HMCN1: variants seen among roughly 807,000 people sequenced by gnomAD.
The protein encoded by HMCN1 is hemicentin-1.
A neutral mutation model predicts 625.9 loss-of-function variants in HMCN1; 321 were observed. The observed-to-expected ratio is 0.51, with a 90% CI of 0.47 to 0.56. The LOEUF (loss-of-function observed/expected upper bound fraction) is 0.56, where lower values mean the gene tolerates loss of function less well. Among genes scored for constraint, HMCN1 ranks in the 20% least tolerant of loss-of-function variants. The pLI, the probability that HMCN1 is intolerant of heterozygous loss-of-function variation, is 0.00. For synonymous variants in HMCN1, 2,425 were observed against 2,417.6 expected (o/e 1.00, Z -0.09); for missense variants, 6,588 against 6,887.3 (o/e 0.96, Z 1.54).
chr1:185,860,582 C>A (rs1202446641), intron 2 of HMCN1, among the ~76,000 whole-genome samples: 1 of 152,074 alleles, frequency 6.6e-6, no homozygotes, highest in Non-Finnish European at 1.5e-5. Context: ...GTAGCTGGGA[C>A]AACAGGCATG....
rs558047673 is a variant in HMCN1 at position 186,139,600 on chromosome 1, T to G, written c.13924+1628T>G. 5.3e-5 allele frequency among the ~76,000 whole-genome samples: 8 copies of G among 150,380 alleles called. No homozygotes were observed. In the South Asian group the frequency reaches 1.7e-3, roughly 31 times the overall value. On this transcript the variant is annotated intron_variant, in intron 89 of 106. Transcript: ENST00000271588. ...TTGTTCACTATTCTATTGGCTTGTT[T>G]TTTTTTTTTTTAAAGGCTTTCTCTA...
chr1:185,942,930 T>A (rs1351557454), intron 11 of HMCN1, among the ~76,000 whole-genome samples: 3 of 152,042 alleles, frequency 2.0e-5, no homozygotes, highest in Non-Finnish European at 4.4e-5. Context: ...TTTTTTTTTT[T>A]AATAATGGAT....
intron 4 of HMCN1, among the ~76,000 whole-genome samples, chr1:185,877,321 C>CTTTTTTTTTTTTTTTTTTTTTTT (rs71557837): frequency 2.9e-5 from 1 of 34,874 alleles, no homozygotes; most frequent in African/African-American, 1.0e-4. Context: ...ATGTGTCTTT[C>CTTTTTTTTTTTTTTTTTTTTTTT]TTTTTTTTTT....
chr1:186,067,739 A>G (rs1658220110), intron 49 of HMCN1, 95 bp from the exon 50 acceptor site: 1 of 821,160 alleles, frequency 1.2e-6, no homozygotes, highest in Non-Finnish European at 2.0e-6. Flanking sequence ...CTGCTAGGGA[A>G]TGAAATTATA....
At chr1:185,938,247 G>T (rs1197120043) in intron 11 of HMCN1, among the ~76,000 whole-genome samples, 2 of 152,122 alleles carry the variant, frequency 1.3e-5, no homozygotes, top group African/African-American at 4.8e-5. Context: ...GTTGTCTTGG[G>T]TGAATAGATT....
In HMCN1 at chr1:185,985,543, C is replaced by T. The variant is rs535842480; in HGVS notation, c.2935+1230C>T. Among the ~76,000 whole-genome samples the T allele has an allele frequency of 1.3e-4, 20 of 152,116 alleles. No homozygotes were observed. In the South Asian group the frequency reaches 2.5e-3, roughly 19 times the overall value. On this transcript the variant is annotated intron_variant, in intron 19 of 106. Coordinates refer to ENST00000271588, the MANE Select transcript of HMCN1 (RefSeq NM_031935.3). ...TCAGAGGGGCGAGGATACAGACAAA[C>T]GAATGATATGGTGTATTGTGATGCA...
intron 56 of HMCN1, 106 bp from the exon 57 acceptor site, chr1:186,082,759 T>C (rs1659240900): frequency 2.0e-6 from 1 of 489,294 alleles, no homozygotes; most frequent in African/African-American, 2.0e-5. Context: ...TTTTTCTATC[T>C]GGTATTAAAT....
intron 1 of HMCN1, among the ~76,000 whole-genome samples, chr1:185,824,168 G>T (rs906722359): frequency 8.5e-5 from 13 of 152,148 alleles, no homozygotes; most frequent in African/African-American, 2.9e-4. Flanking sequence ...CCCTGACAAG[G>T]TCTCTTCTAA....
At chr1:186,117,979 A>AT (rs1661218679) in intron 77 of HMCN1, among the ~76,000 whole-genome samples, 1 of 152,110 alleles carries the variant, frequency 6.6e-6, no homozygotes, top group Non-Finnish European at 1.5e-5. Flanking sequence ...ATGTCTCTTC[A>AT]TTTATCGAAC....
intron 1 of HMCN1, among the ~76,000 whole-genome samples, chr1:185,844,540 C>G (rs1035838275): frequency 6.6e-5 from 10 of 152,094 alleles, no homozygotes; most frequent in African/African-American, 2.4e-4. Context: ...GTTATAAGCT[C>G]TTTTTGAGCA....
intron 2 of HMCN1, among the ~76,000 whole-genome samples, chr1:185,863,117 G>C (rs1183641821): frequency 6.6e-6 from 1 of 152,106 alleles, no homozygotes; most frequent in African/African-American, 2.4e-5. Context: ...AAATCAAATA[G>C]GATTTCCAGA....
intron 14 of HMCN1, among the ~76,000 whole-genome samples, chr1:185,968,977 A>G (rs1650613903): frequency 6.6e-6 from 1 of 152,192 alleles, no homozygotes. Flanking sequence ...CATGACTGCT[A>G]TTCTTTAAAC....
At chr1:186,136,363 T>G in intron 86 of HMCN1, among the ~76,000 whole-genome samples, 1 of 152,282 alleles carries the variant, frequency 6.6e-6, no homozygotes, top group East Asian at 1.9e-4. Flanking sequence ...GGCACCATTT[T>G]TAAGGACATG....
intron 18 of HMCN1, among the ~76,000 whole-genome samples, chr1:185,982,710 G>A (rs985471154): frequency 6.6e-6 from 1 of 151,732 alleles, no homozygotes; most frequent in African/African-American, 2.4e-5. Flanking sequence ...CAAAGTGCTG[G>A]GATTACAGGT....
chr1:185,987,421 TAC>T lies in HMCN1; in HGVS notation c.2936-10_2936-9del. On this transcript the variant is annotated splice_polypyrimidine_tract_variant and intron_variant, in intron 19 of 106. Coordinates refer to ENST00000271588, the MANE Select transcript of HMCN1 (RefSeq NM_031935.3). ...AGGTGCTCAGATTCCAAATCCTACT[TAC>T]CTTTTCAGTTCTGCCAACCATTCAG... is the stretch of plus-strand genomic sequence containing the variant. The T allele has an allele frequency of 6.4e-7, 1 of 1,566,018 alleles. No individual in the cohort carries two copies. The highest frequency in any genetic ancestry group is 8.8e-7 in the Non-Finnish European group (1 of 1,136,166).
At chr1:185,955,133 C>T (rs1489926271) in intron 11 of HMCN1, among the ~76,000 whole-genome samples, 1 of 152,134 alleles carries the variant, frequency 6.6e-6, no homozygotes, top group African/African-American at 2.4e-5. Context: ...TATTAGAATC[C>T]TCTTTTTATG....
chr1:185,824,811 G>T (rs948088007), intron 1 of HMCN1, among the ~76,000 whole-genome samples: 1 of 152,022 alleles, frequency 6.6e-6, no homozygotes. Flanking sequence ...TGTTTTATTC[G>T]ATAGCCTGTG....
intron 106 of HMCN1, among the ~76,000 whole-genome samples, chr1:186,188,242 T>C (rs2102684193): frequency 6.6e-6 from 1 of 152,310 alleles, no homozygotes; most frequent in East Asian, 1.9e-4. Context: ...CCTGGAGCAG[T>C]CTTCCCAGAA....
Position 186,130,748 on chromosome 1 carries a change from C to A in HMCN1, c.13230+51C>A, listed in dbSNP as rs76476061. The A allele has an allele frequency of 5.5e-4, 819 of 1,483,932 alleles. 9 individuals carry two copies. In the African/African-American group the frequency reaches 9.6e-3, roughly 17 times the overall value. The allele number at this position is 1,483,932 out of a possible 1,614,324, so 91.9% of individuals were successfully genotyped here. On this transcript the variant is annotated intron_variant, in intron 85 of 106. Transcript: ENST00000271588. ...CACCTTTAAACCCCCACAGCCAATA[C>A]CCCTCTGTGAGTGCCATAGATAAGA...
Sources: allele counts gnomAD v4.1 joint callset (sites outside exome capture counted in the v4.1 genomes callset), GRCh38; gene constraint gnomAD v4.1.1; transcripts MANE v1.5; gene names NCBI Gene and HGNC (gene_info 2026-07-23, HGNC 2026-07-21).